ZNF423: variants seen among roughly 807,000 people sequenced by gnomAD.
The protein encoded by ZNF423 is Ebf-associated zinc finger protein.
ZNF423 carries 12 observed loss-of-function variants against 95.8 expected under a neutral mutation model. That is an observed-to-expected ratio of 0.13 (90% confidence interval 0.08 to 0.20). The LOEUF is 0.20. Ranked by LOEUF, ZNF423 falls within the 10% of genes least tolerant of loss-of-function variation. The pLI, the probability that ZNF423 is intolerant of heterozygous loss-of-function variation, is 1.00. For missense variants in ZNF423, 1,316 were observed against 1,737.1 expected, an observed-to-expected ratio of 0.76 and a Z score of 4.31; for synonymous variants, 749 against 711.9, an observed-to-expected ratio of 1.05 and a Z score of -0.83.
rs1467436079 is a variant in ZNF423 at position 49,842,452 on chromosome 16, C to T, written c.40+13283G>A. The stretch of plus-strand genomic sequence containing the variant: ...AGGCAGGCAGGCAGGCAGGCAGGCC[C>T]ATAAACATAAAAGGCCAGGTGTGGT... On this transcript the variant is annotated intron_variant, in intron 1 of 7. Transcript: ENST00000563137. 2.2e-5 allele frequency among the ~76,000 whole-genome samples: 3 copies of T among 135,422 alleles called. No homozygotes were observed. The East Asian group carries it at 7.0e-4, about 32-fold the overall frequency. 88.8% of individuals were successfully genotyped at this position (135,422 alleles called of 152,430 possible). A position where few individuals can be genotyped will look rare whatever the true frequency, so the allele number is the denominator to read the frequency against.
chr16:49,842,283 GGAGGGGAGGGGAGGGGAGGGGAGGC>G (rs1450974776), intron 1 of ZNF423, among the ~76,000 whole-genome samples: 36 of 45,438 alleles, frequency 7.9e-4, no homozygotes, highest in African/African-American at 3.2e-3. Context: ...GGAGGGGAGG[GGAGGGGAGGGGAGGGGAGGGGAGGC>G]GAGGGAAGGG....
intron 2 of ZNF423, among the ~76,000 whole-genome samples, chr16:49,749,423 G>A (rs898672130): frequency 6.6e-6 from 1 of 152,228 alleles, no homozygotes; most frequent in African/African-American, 2.4e-5. Flanking sequence ...ATGCTTTACT[G>A]TTATTTCTGA....
chr16:49,530,556 G>A (rs1326344189), intron 5 of ZNF423, among the ~76,000 whole-genome samples: 1 of 152,192 alleles, frequency 6.6e-6, no homozygotes, highest in Non-Finnish European at 1.5e-5. Context: ...GGAGACGCTT[G>A]ACGAGCAGGA....
rs552626419 is a variant in ZNF423, at chr16:49,746,978, G to C, written c.101-16007C>G. Among the ~76,000 whole-genome samples the C allele has an allele frequency of 2.0e-5, 3 of 152,192 alleles. No homozygotes were observed. In the East Asian group the frequency reaches 5.8e-4, roughly 29 times the overall value. On this transcript the variant is annotated intron_variant, in intron 2 of 7. Coordinates refer to ENST00000563137, the MANE Select transcript of ZNF423 (RefSeq NM_001379286.1). Reference sequence around the variant, plus strand: ...AGTGGGGACACTAAGACACAATCCGGAGATATGCTAGAACCACCGGGAAAG... The same window carrying C: ...AGTGGGGACACTAAGACACAATCCGCAGATATGCTAGAACCACCGGGAAAG...
At chr16:49,651,811 C>G (rs1973418675) in intron 3 of ZNF423, among the ~76,000 whole-genome samples, 2 of 152,206 alleles carry the variant, frequency 1.3e-5, no homozygotes, top group African/African-American at 4.8e-5. Flanking sequence ...GAGAGGCTGG[C>G]AATGGCTGGA....
chr16:49,644,039 G>A (rs893415028), intron 3 of ZNF423, among the ~76,000 whole-genome samples: 11 of 152,296 alleles, frequency 7.2e-5, no homozygotes, highest in South Asian at 2.1e-4. Context: ...GCAAGTGGCC[G>A]CCCAGAATGG....
In ZNF423 at chr16:49,492,671, G is replaced by A. The variant is rs1365481370; in HGVS notation, c.3850-1367C>T. The stretch of plus-strand genomic sequence containing the variant: ...CCAGCAGATGCCCACAGCGCCAAGC[G>A]ACAGCCTCGTGCTCATGCGGGCGGA... On this transcript the variant is annotated intron_variant, in intron 7 of 7. Coordinates refer to ENST00000563137, the MANE Select transcript of ZNF423 (RefSeq NM_001379286.1). This position sits in a 1 kb window ranked among gnomAD's most constrained non-coding sequence, Gnocchi z 4.2. Among the ~76,000 whole-genome samples, 1 of 152,228 alleles carries A rather than the reference G, an allele frequency of 6.6e-6. No homozygotes were observed. The highest frequency in any genetic ancestry group is 1.5e-5 in the Non-Finnish European group (1 of 68,024).
At chr16:49,725,910 G>A (rs895553936) in intron 3 of ZNF423, among the ~76,000 whole-genome samples, 1 of 152,160 alleles carries the variant, frequency 6.6e-6, no homozygotes, top group East Asian at 1.9e-4. Flanking sequence ...TCAGGGAACG[G>A]AGCTGAAGGG....
intron 5 of ZNF423, among the ~76,000 whole-genome samples, chr16:49,527,338 T>C (rs994825291): frequency 1.3e-5 from 2 of 152,182 alleles, no homozygotes. Context: ...CATTGACAAG[T>C]TTTGGGACAC....
chr16:49,638,391 G>A lies in ZNF423; in HGVS notation c.785C>T (p.Ser262Leu), dbSNP rs773775408. Residue 262 changes from serine (S) to leucine (L), a missense_variant, in exon 4 of 8, where the codon TCG (serine) becomes TTG (leucine). Ser to Leu is a moderately radical substitution (Grantham distance 145). This residue lies in a region of ZNF423 where 399 missense variants were observed against 478.5 expected (regional missense o/e 0.83). Transcript: ENST00000563137. This position sits in a 1 kb window ranked among gnomAD's most constrained non-coding sequence, Gnocchi z 5.6. ...GTCGTCCTTCTTGGCTTCCTTCTCCGACTTGGCCAGATGCTCCTTGTTCTT... is the reference window on the plus strand; with the variant it reads ...GTCGTCCTTCTTGGCTTCCTTCTCCAACTTGGCCAGATGCTCCTTGTTCTT... ...HKKNKEHLAKSEKEAKKDDFM... is the reference protein window; with the variant it reads ...HKKNKEHLAKLEKEAKKDDFM... 3.3e-5 allele frequency: 54 copies of A among 1,613,896 alleles called. No individual in the cohort carries two copies. The highest frequency in any genetic ancestry group is 1.6e-4 in the Middle Eastern group (1 of 6,062).
At chr16:49,505,460 C>CTTA (rs1445035239) in intron 7 of ZNF423, among the ~76,000 whole-genome samples, 1 of 152,184 alleles carries the variant, frequency 6.6e-6, no homozygotes, top group African/African-American at 2.4e-5. Flanking sequence ...GGCGGATATT[C>CTTA]TGAGGGGGCC....
At chr16:49,619,961 A>G (rs568314088) in intron 5 of ZNF423, among the ~76,000 whole-genome samples, 22 of 152,192 alleles carry the variant, frequency 1.4e-4, no homozygotes, top group Middle Eastern at 3.4e-3. Flanking sequence ...CCCCTCCAAA[A>G]TGCTGCAGGC....
At chr16:49,491,800 C>A (rs1718093785) in intron 7 of ZNF423, among the ~76,000 whole-genome samples, 1 of 152,166 alleles carries the variant, frequency 6.6e-6, no homozygotes, top group African/African-American at 2.4e-5. Flanking sequence ...AGCTCTCCGG[C>A]CAAGAAACAC....
At chr16:49,533,383 G>T (rs535938585) in intron 5 of ZNF423, among the ~76,000 whole-genome samples, 2 of 152,262 alleles carry the variant, frequency 1.3e-5, no homozygotes, top group East Asian at 3.9e-4. Context: ...TTCACCCCAG[G>T]GTTTCCATGG....
intron 5 of ZNF423, among the ~76,000 whole-genome samples, chr16:49,608,433 C>T (rs999220459): frequency 6.6e-6 from 1 of 152,212 alleles, no homozygotes; most frequent in Non-Finnish European, 1.5e-5. Flanking sequence ...TATGGAGGTT[C>T]TCAGTTGCCT....
intron 7 of ZNF423, among the ~76,000 whole-genome samples, chr16:49,497,401 C>G (rs573464867): frequency 1.3e-5 from 2 of 152,290 alleles, no homozygotes; most frequent in South Asian, 4.2e-4. Flanking sequence ...ACTCATAGAC[C>G]CTGAAGACCA....
intron 1 of ZNF423, among the ~76,000 whole-genome samples, chr16:49,831,153 T>G (rs943550756): frequency 1.3e-5 from 2 of 152,126 alleles, no homozygotes; most frequent in African/African-American, 4.8e-5. Flanking sequence ...GTACAGCTCA[T>G]GAAGACTGAG....
chr16:49,745,440 T>C (rs1410670134), intron 2 of ZNF423, among the ~76,000 whole-genome samples: 1 of 152,214 alleles, frequency 6.6e-6, no homozygotes, highest in Admixed American at 6.5e-5. Context: ...GAAGGAATTA[T>C]TTGTGCTACT....
chr16:49,678,936 C>T (rs914095363), intron 3 of ZNF423, among the ~76,000 whole-genome samples: 4 of 152,214 alleles, frequency 2.6e-5, no homozygotes, highest in African/African-American at 9.6e-5. Context: ...TGGCTCACAA[C>T]ACCAGCCCTC....
Sources: allele counts gnomAD v4.1 joint callset (sites outside exome capture counted in the v4.1 genomes callset), GRCh38; gene constraint gnomAD v4.1.1; regional missense constraint gnomAD v4.1.1; non-coding constraint Gnocchi (gnomAD v3.1); transcripts MANE v1.5; gene names NCBI Gene and HGNC (gene_info 2026-07-23, HGNC 2026-07-21).